Variants in TRIM9 observed in about 807,000 individuals in gnomAD.
TRIM9 encodes the protein tripartite motif containing 9.
TRIM9 carries 26 observed loss-of-function variants against 78.3 expected under a neutral mutation model. The observed-to-expected ratio is 0.33, with a 90% CI of 0.24 to 0.46. The LOEUF (loss-of-function observed/expected upper bound fraction) is 0.46. Among genes scored for constraint, TRIM9 ranks in the 20% least tolerant of loss-of-function variants. The probability of loss-of-function intolerance (pLI) is 1.00; values close to 1 mark genes in which losing one functional copy is unlikely to be tolerated. For missense variants in TRIM9, 787 were observed against 1,036.4 expected (o/e 0.76, Z 3.30); for synonymous variants, 398 against 416.5 (o/e 0.96, Z 0.54).
At chr14:51,037,017 G>A (rs2059210159) in intron 1 of TRIM9, among the ~76,000 whole-genome samples, 1 of 151,560 alleles carries the variant, frequency 6.6e-6, no homozygotes, top group Non-Finnish European at 1.5e-5. Flanking sequence ...TGGATATTTT[G>A]CTATGCTTCT....
In TRIM9 at chr14:51,086,412, A is replaced by T. The variant is rs186739305; in HGVS notation, c.822+7706T>A. ...GTAAGTGCCCAGTACATTTTAGCAA[A>T]AAGTATAAAATACAGGCTTTCAAAT... On this transcript the variant is annotated intron_variant, in intron 1 of 12. Coordinates refer to ENST00000684578, the MANE Select transcript of TRIM9 (RefSeq NM_001387360.1). 7.8e-3 allele frequency among the ~76,000 whole-genome samples: 1,195 copies of T among 152,370 alleles called. 9 individuals are homozygous for T. The highest frequency in any genetic ancestry group is 0.049 in the South Asian group (237 of 4,828).
At position 51,094,997 on chromosome 14, in the gene TRIM9, TG is replaced by T. The variant is rs2064805194; in HGVS notation, c.-59del. 1 of 1,306,846 alleles carries T rather than the reference TG, an allele frequency of 7.7e-7. No individual in the cohort carries two copies. Among genetic ancestry groups the T allele is most frequent in the South Asian group, 2.2e-5 (1 of 45,664 alleles). 81.0% of individuals were successfully genotyped at this position (1,306,846 alleles called of 1,614,324 possible). ...GCAGCGGGTGCCTGAGCTGGCGAGG[TG>T]GCCGACGGGCCCGTCTTGTCCAGCA... is the stretch of plus-strand genomic sequence containing the variant. On this transcript the variant is annotated 5_prime_UTR_variant, in exon 1 of 13. Coordinates refer to ENST00000684578, the MANE Select transcript of TRIM9 (RefSeq NM_001387360.1).
chr14:51,094,551 T>C lies in TRIM9; in HGVS notation c.389A>G (p.Gln130Arg). The change falls in exon 1 of 13, where the codon CAG (glutamine) becomes CGG (arginine). Residue 130 changes from glutamine (Q) to arginine (R), a missense_variant. Physicochemically the swap from Gln to Arg is conservative, Grantham distance 43 (BLOSUM62 1). Coordinates refer to ENST00000684578, the MANE Select transcript of TRIM9 (RefSeq NM_001387360.1). ...ATCCAGGATGAGGCTGCGGTGACAC[T>C]GGGGGCAGGTGATACAGGAGTTGCG... ...VPRNSCITCPQCHRSLILDDR... is the reference protein window; with the variant it reads ...VPRNSCITCPRCHRSLILDDR... 6.2e-7 allele frequency: 1 copy of C among 1,612,780 alleles called. No homozygotes were observed. Among genetic ancestry groups the C allele is most frequent in the Non-Finnish European group, 8.5e-7 (1 of 1,179,754 alleles).
intron 3 of TRIM9, among the ~76,000 whole-genome samples, chr14:51,011,617 A>G (rs970027958): frequency 1.3e-5 from 2 of 152,358 alleles, no homozygotes; most frequent in African/African-American, 2.4e-5. Flanking sequence ...TAGCCAAAAG[A>G]GAATCTAATA....
chr14:51,083,257 A>T (rs143538475), intron 1 of TRIM9, among the ~76,000 whole-genome samples: 82 of 152,038 alleles, frequency 5.4e-4, no homozygotes, highest in South Asian at 2.7e-3. Context: ...TTAATTAATT[A>T]ATTTATTTAT....
intron 3 of TRIM9, among the ~76,000 whole-genome samples, chr14:51,014,742 T>C (rs755833919): frequency 1.1e-4 from 17 of 152,214 alleles, no homozygotes; most frequent in Non-Finnish European, 2.1e-4. Flanking sequence ...TATTTCTACA[T>C]TGAGTTTTTC....
intron 1 of TRIM9, among the ~76,000 whole-genome samples, chr14:51,060,747 G>A (rs546778248): frequency 6.6e-6 from 1 of 152,322 alleles, no homozygotes; most frequent in East Asian, 1.9e-4. Flanking sequence ...GATTGCAGGC[G>A]TGAGCCTCTG....
chr14:51,069,836 T>C (rs1321247301), intron 1 of TRIM9, among the ~76,000 whole-genome samples: 1 of 152,250 alleles, frequency 6.6e-6, no homozygotes, highest in African/African-American at 2.4e-5. Context: ...TTTGTTCTTA[T>C]CTTTCTCAAG....
chr14:50,980,581 T>C (rs765448643), intron 11 of TRIM9, among the ~76,000 whole-genome samples: 29 of 152,382 alleles, frequency 1.9e-4, no homozygotes, highest in Admixed American at 3.9e-4. Flanking sequence ...GCATTAAGAA[T>C]GTGTTTCTCT....
chr14:51,002,256 G>A (rs1333167881), intron 5 of TRIM9, among the ~76,000 whole-genome samples: 13 of 151,754 alleles, frequency 8.6e-5, no homozygotes, highest in Non-Finnish European at 1.9e-4. Flanking sequence ...CGAGTAGCTG[G>A]GACTACAGGC....
intron 1 of TRIM9, among the ~76,000 whole-genome samples, chr14:51,054,681 C>G (rs2060744400): frequency 6.6e-6 from 1 of 152,186 alleles, no homozygotes; most frequent in Non-Finnish European, 1.5e-5. Flanking sequence ...TCAAGCTATT[C>G]TCCTGCCTCA....
chr14:51,069,407 C>T (rs1422831612), intron 1 of TRIM9, among the ~76,000 whole-genome samples: 1 of 152,000 alleles, frequency 6.6e-6, no homozygotes, highest in African/African-American at 2.4e-5. Context: ...GGGATGGATA[C>T]ACAGGTATCT....
intron 1 of TRIM9, among the ~76,000 whole-genome samples, chr14:51,091,616 T>G (rs779559534): frequency 3.3e-5 from 5 of 152,210 alleles, no homozygotes; most frequent in Non-Finnish European, 5.9e-5. Flanking sequence ...GGAGTAATGT[T>G]TGTTGTTCAT....
chr14:51,042,735 G>T lies in TRIM9; in HGVS notation c.823-17375C>A, dbSNP rs192027539. 1.2e-4 allele frequency among the ~76,000 whole-genome samples: 19 copies of T among 152,206 alleles called. No homozygotes were observed. In the East Asian group the frequency reaches 3.7e-3, roughly 29 times the overall value. On this transcript the variant is annotated intron_variant, in intron 1 of 12. Coordinates refer to ENST00000684578, the MANE Select transcript of TRIM9 (RefSeq NM_001387360.1). ...AGGTCATGGAGGCTTAGTCTTATTT[G>T]CAGGTAGGGGTGGAGGAACTGGTGT...
chr14:51,059,951 G>C (rs765507859), intron 1 of TRIM9, among the ~76,000 whole-genome samples: 1 of 152,082 alleles, frequency 6.6e-6, no homozygotes, highest in African/African-American at 2.4e-5. Flanking sequence ...TGCAAATAAC[G>C]CATTAAATGG....
intron 7 of TRIM9, among the ~76,000 whole-genome samples, chr14:50,992,921 G>A (rs956662725): frequency 7.9e-5 from 12 of 152,148 alleles, no homozygotes; most frequent in Non-Finnish European, 1.8e-4. Context: ...AAAAATGCTG[G>A]GTAGATGGCT....
intron 8 of TRIM9, among the ~76,000 whole-genome samples, chr14:50,984,352 C>T (rs2052417714): frequency 6.6e-6 from 1 of 152,126 alleles, no homozygotes. Context: ...AAAAAAGCAA[C>T]TTACTATAAA....
intron 1 of TRIM9, among the ~76,000 whole-genome samples, chr14:51,059,807 A>AC (rs1478664533): frequency 2.6e-4 from 40 of 151,774 alleles, no homozygotes; most frequent in East Asian, 2.1e-3. Flanking sequence ...CAAAAAAAAA[A>AC]AAACAAAAAA....
At chr14:51,017,732 C>A (rs1408185280) in intron 3 of TRIM9, among the ~76,000 whole-genome samples, 1 of 152,134 alleles carries the variant, frequency 6.6e-6, no homozygotes, top group Non-Finnish European at 1.5e-5. Flanking sequence ...GAGGTGTCAC[C>A]CATATCTGGG....
Sources: gnomAD v4.1 joint callset for allele counts (sites outside exome capture counted in the v4.1 genomes callset) on GRCh38, gnomAD v4.1.1 for gene constraint, MANE v1.5 for transcripts, NCBI Gene and HGNC (gene_info 2026-07-23, HGNC 2026-07-21) for gene names.